AGBL1: variants seen among roughly 807,000 people sequenced by gnomAD.
AGBL1 encodes AGBL carboxypeptidase 1.
In AGBL1, 130 loss-of-function variants were observed where a neutral mutation model predicts 118.9. The ratio of observed to expected loss-of-function variants is 1.09; its 90% CI spans 0.95 to 1.26. AGBL1 has a LOEUF of 1.26. Ranked by LOEUF, AGBL1 falls within the 50% of genes most tolerant of loss-of-function variation. AGBL1 has a pLI of 0.00. For missense variants in AGBL1, 1,584 were observed against 1,298.1 expected (o/e 1.22, Z -3.38); for synonymous variants, 555 against 478.9 (o/e 1.16, Z -2.08).
chr15:86,753,252 G>T lies in AGBL1; in HGVS notation c.3158+78816G>T, dbSNP rs540113482. ...TTCTGGCTCAATCTCCATTCTTGCT[G>T]TGTTAGCCAAGGACTCTGACCAATG... On this transcript the variant is annotated intron_variant, in intron 22 of 22. Transcript: ENST00000614907. 1.1e-4 allele frequency among the ~76,000 whole-genome samples: 16 copies of T among 152,094 alleles called. No individual in the cohort carries two copies. The East Asian group carries it at 2.9e-3, about 28-fold the overall frequency.
intron 17 of AGBL1, among the ~76,000 whole-genome samples, chr15:86,390,814 C>T (rs1019567139): frequency 2.0e-5 from 3 of 151,644 alleles, no homozygotes; most frequent in Non-Finnish European, 2.9e-5. Flanking sequence ...GGATTACAGG[C>T]GCCTACCACC....
chr15:86,130,918 C>T (rs1302899952), intron 1 of AGBL1, among the ~76,000 whole-genome samples: 2 of 152,148 alleles, frequency 1.3e-5, no homozygotes, highest in Admixed American at 6.5e-5. Flanking sequence ...GCTGGGGTTG[C>T]AATTATCTGA....
chr15:86,378,180 A>T (rs2081065233), intron 17 of AGBL1, among the ~76,000 whole-genome samples: 1 of 152,162 alleles, frequency 6.6e-6, no homozygotes, highest in Non-Finnish European at 1.5e-5. Context: ...GGCAAATTTC[A>T]GAGTTTAAAA....
intron 17 of AGBL1, among the ~76,000 whole-genome samples, chr15:86,327,059 C>A (rs28547896): frequency 0.036 from 5,411 of 151,594 alleles, 316 homozygotes; most frequent in African/African-American, 0.12. Context: ...AAAAACTGAC[C>A]AGTGATAGAG....
chr15:86,200,557 C>CA (rs1567121607), intron 5 of AGBL1, among the ~76,000 whole-genome samples: 1 of 142,512 alleles, frequency 7.0e-6, no homozygotes, highest in African/African-American at 2.6e-5. Flanking sequence ...CCTACCCCCC[C>CA]CCCCCTTTTT....
At chr15:86,558,351 T>C (rs1422304667) in intron 21 of AGBL1, among the ~76,000 whole-genome samples, 1 of 152,132 alleles carries the variant, frequency 6.6e-6, no homozygotes, top group South Asian at 2.1e-4. Flanking sequence ...ATCCAATAGC[T>C]GATCTGTGGG....
At chr15:86,574,789 G>T (rs1237744684) in intron 21 of AGBL1, among the ~76,000 whole-genome samples, 3 of 151,490 alleles carry the variant, frequency 2.0e-5, no homozygotes, top group Non-Finnish European at 4.4e-5. Flanking sequence ...TGTTGGCCAG[G>T]CTGGTCTCGA....
intron 21 of AGBL1, among the ~76,000 whole-genome samples, chr15:86,622,284 G>A (rs999969190): frequency 6.6e-6 from 1 of 150,766 alleles, no homozygotes; most frequent in Non-Finnish European, 1.5e-5. Flanking sequence ...GAGCTGAGAT[G>A]GCACCATTGC....
intron 24 of AGBL1, among the ~76,000 whole-genome samples, chr15:87,016,733 A>G (rs1164328324): frequency 6.6e-6 from 1 of 152,156 alleles, no homozygotes; most frequent in Non-Finnish European, 1.5e-5. Context: ...GGAGTGGCAT[A>G]GAGCCAAAGG....
chr15:86,451,911 C>A (rs955793371), intron 18 of AGBL1, among the ~76,000 whole-genome samples: 1 of 152,084 alleles, frequency 6.6e-6, no homozygotes, highest in Non-Finnish European at 1.5e-5. Context: ...AGTTTGAACT[C>A]TTCTGCCTGG....
At chr15:86,645,830 C>G (rs1031149211) in intron 21 of AGBL1, among the ~76,000 whole-genome samples, 1 of 152,100 alleles carries the variant, frequency 6.6e-6, no homozygotes, top group South Asian at 2.1e-4. Context: ...ACTGCACCAC[C>G]AATGAGCTGA....
chr15:86,983,144 G>A (rs2081248424), intron 23 of AGBL1, among the ~76,000 whole-genome samples: 3 of 152,008 alleles, frequency 2.0e-5, no homozygotes, highest in Non-Finnish European at 4.4e-5. Context: ...TTACTATTGA[G>A]TTGACCTTCT....
intron 18 of AGBL1, among the ~76,000 whole-genome samples, chr15:86,499,675 T>C (rs944251875): frequency 6.6e-6 from 1 of 151,890 alleles, no homozygotes; most frequent in African/African-American, 2.4e-5. Flanking sequence ...TCCCATAGAA[T>C]GAGGTTTTAA....
rs531139695 is a variant in AGBL1, at chr15:86,214,575, T to C, written c.489-10339T>C. Reference sequence around the variant, plus strand: ...TGCTAACTTGAGAGTCACACCTCTATGTAGAAAGAGACTCTCTTGTTTGTG... The same window carrying C: ...TGCTAACTTGAGAGTCACACCTCTACGTAGAAAGAGACTCTCTTGTTTGTG... On this transcript the variant is annotated intron_variant, in intron 5 of 22. Coordinates refer to ENST00000614907, the MANE Select transcript of AGBL1 (RefSeq NM_001386094.1). 1.5e-4 allele frequency among the ~76,000 whole-genome samples: 23 copies of C among 152,368 alleles called. 1 individual carries two copies. The East Asian group carries it at 3.7e-3, about 24-fold the overall frequency.
chr15:86,633,778 G>T (rs1429486911), intron 21 of AGBL1, among the ~76,000 whole-genome samples: 1 of 136,268 alleles, frequency 7.3e-6, no homozygotes, highest in African/African-American at 2.7e-5. Flanking sequence ...AATATTTTAT[G>T]TGTGTGTATA....
At chr15:86,237,487 TTTC>T (rs1191081966) in intron 6 of AGBL1, among the ~76,000 whole-genome samples, 1 of 152,140 alleles carries the variant, frequency 6.6e-6, no homozygotes, top group Middle Eastern at 3.2e-3. Flanking sequence ...GGTCTCTGAT[TTTC>T]TTCTTCTTGA....
At chr15:86,329,282 G>A (rs2080235162) in intron 17 of AGBL1, among the ~76,000 whole-genome samples, 1 of 151,946 alleles carries the variant, frequency 6.6e-6, no homozygotes, top group Admixed American at 6.6e-5. Context: ...AGCAGCCTGA[G>A]CCACCCCACC....
At chr15:86,114,696 A>C (rs1009450819) in intron 1 of AGBL1, among the ~76,000 whole-genome samples, 1 of 152,180 alleles carries the variant, frequency 6.6e-6, no homozygotes, top group Non-Finnish European at 1.5e-5. Flanking sequence ...TAAGGGTTCC[A>C]CATAGCAGAA....
At chr15:86,751,893 T>C (rs917586875) in intron 22 of AGBL1, among the ~76,000 whole-genome samples, 10 of 152,080 alleles carry the variant, frequency 6.6e-5, no homozygotes, top group East Asian at 5.8e-4. Context: ...AAAAACATGT[T>C]TTAATCACAG....
Sources: gnomAD v4.1 joint callset for allele counts (sites outside exome capture counted in the v4.1 genomes callset) on GRCh38, gnomAD v4.1.1 for gene constraint, MANE v1.5 for transcripts, NCBI Gene and HGNC (gene_info 2026-07-23, HGNC 2026-07-21) for gene names.